The following DPP10 variants were observed in gnomAD, a reference collection of about 807,000 sequenced individuals.
DPP10 encodes the protein inactive dipeptidyl peptidase 10.
In DPP10, 33 loss-of-function variants were observed where a neutral mutation model predicts 120.9. That is an observed-to-expected ratio of 0.27 (90% CI 0.21 to 0.37). The LOEUF is 0.37. Ranked by LOEUF, DPP10 falls within the 10% of genes least tolerant of loss-of-function variation. The pLI is 1.00. For missense variants in DPP10, 816 were observed against 942.8 expected, an observed-to-expected ratio of 0.87 and a Z score of 1.76; for synonymous variants, 337 against 326.1, an observed-to-expected ratio of 1.03 and a Z score of -0.36.
chr2:115,549,118 A>G (rs769480001), intron 5 of DPP10, among the ~76,000 whole-genome samples: 1 of 152,154 alleles, frequency 6.6e-6, no homozygotes. Context: ...TATTACTGCC[A>G]GGTACATTCT....
chr2:115,507,028 G>A (rs1478705896), intron 4 of DPP10, among the ~76,000 whole-genome samples: 23 of 119,028 alleles, frequency 1.9e-4, no homozygotes, highest in East Asian at 6.6e-4. Flanking sequence ...ACACACACAC[G>A]CACGCGCACA....
intron 1 of DPP10, among the ~76,000 whole-genome samples, chr2:114,689,866 GC>G (rs1559006205): frequency 2.6e-5 from 4 of 151,670 alleles, no homozygotes; most frequent in African/African-American, 9.7e-5. Flanking sequence ...TTGGTTGGCC[GC>G]GTGTATGTCT....
intron 5 of DPP10, among the ~76,000 whole-genome samples, chr2:115,601,365 A>G (rs1182909500): frequency 6.6e-6 from 1 of 152,108 alleles, no homozygotes; most frequent in African/African-American, 2.4e-5. Flanking sequence ...CAACCCTATC[A>G]CTCTTGTAAC....
At chr2:115,330,972 G>T (rs1186714978) in intron 2 of DPP10, among the ~76,000 whole-genome samples, 6 of 152,090 alleles carry the variant, frequency 3.9e-5, no homozygotes, top group African/African-American at 1.2e-4. Flanking sequence ...GAAAGTCATT[G>T]GTAACTTGAT....
intron 1 of DPP10, among the ~76,000 whole-genome samples, chr2:115,099,645 C>T (rs1236299842): frequency 6.6e-6 from 1 of 152,108 alleles, no homozygotes; most frequent in Non-Finnish European, 1.5e-5. Flanking sequence ...ATACACAGAG[C>T]CATTACTTAG....
chr2:115,477,654 A>C (rs976110078), intron 3 of DPP10, among the ~76,000 whole-genome samples: 1 of 152,170 alleles, frequency 6.6e-6, no homozygotes, highest in Admixed American at 6.6e-5. Flanking sequence ...ACCCTTCCTA[A>C]AACTTATATG....
chr2:115,782,446 T>C, intron 17 of DPP10, 47 bp downstream of exon 17: 1 of 1,521,404 alleles, frequency 6.6e-7, no homozygotes, highest in East Asian at 2.3e-5. Flanking sequence ...TTGGCATTAG[T>C]CTTAGACATC....
At chr2:114,640,913 A>T (rs1229106070) in intron 1 of DPP10, among the ~76,000 whole-genome samples, 1 of 151,928 alleles carries the variant, frequency 6.6e-6, no homozygotes, top group Non-Finnish European at 1.5e-5. Context: ...AGGGCCAAGC[A>T]TTGAAGGAGT....
chr2:114,949,566 G>T (rs1159393749), intron 1 of DPP10, among the ~76,000 whole-genome samples: 1 of 152,146 alleles, frequency 6.6e-6, no homozygotes, highest in Non-Finnish European at 1.5e-5. Context: ...ATTCATTAGG[G>T]CCTGAGTGGT....
intron 5 of DPP10, among the ~76,000 whole-genome samples, chr2:115,638,578 A>G (rs1388834671): frequency 1.3e-5 from 2 of 152,248 alleles, no homozygotes; most frequent in African/African-American, 4.8e-5. Flanking sequence ...GGAATAAAAT[A>G]GAAATGCCTG....
At chr2:114,674,612 A>G (rs1698553250) in intron 1 of DPP10, among the ~76,000 whole-genome samples, 1 of 152,194 alleles carries the variant, frequency 6.6e-6, no homozygotes, top group Non-Finnish European at 1.5e-5. Flanking sequence ...AACGTGAGTC[A>G]CGGAGGATGG....
intron 1 of DPP10, among the ~76,000 whole-genome samples, chr2:114,863,045 A>AGTGT (rs143892772): frequency 3.3e-5 from 5 of 151,546 alleles, no homozygotes; most frequent in African/African-American, 9.7e-5. Flanking sequence ...CCAGGGAAAA[A>AGTGT]GTGTGTGTGT....
chr2:115,703,532 A>C (rs2091975430), intron 7 of DPP10, among the ~76,000 whole-genome samples: 1 of 152,014 alleles, frequency 6.6e-6, no homozygotes, highest in African/African-American at 2.4e-5. Flanking sequence ...CTTGAGTCCT[A>C]AATCTGTCGG....
chr2:115,686,428 T>C (rs956921482), intron 5 of DPP10, among the ~76,000 whole-genome samples: 3 of 152,028 alleles, frequency 2.0e-5, no homozygotes, highest in Admixed American at 6.6e-5. Flanking sequence ...TTCATGAAAA[T>C]GTTGTGACCA....
At chr2:115,622,833 T>TG (rs1325430707) in intron 5 of DPP10, among the ~76,000 whole-genome samples, 1 of 122,526 alleles carries the variant, frequency 8.2e-6, no homozygotes, top group Non-Finnish European at 1.9e-5. Context: ...TTTATTCTTT[T>TG]TTTTTTTTTT....
intron 7 of DPP10, among the ~76,000 whole-genome samples, chr2:115,705,253 C>T (rs1269517215): frequency 6.6e-6 from 1 of 151,982 alleles, no homozygotes; most frequent in Non-Finnish European, 1.5e-5. Context: ...TTTGAAATCT[C>T]ACATTTCCTA....
intron 5 of DPP10, among the ~76,000 whole-genome samples, chr2:115,673,864 C>G (rs910639675): frequency 6.6e-6 from 1 of 152,076 alleles, no homozygotes; most frequent in African/African-American, 2.4e-5. Flanking sequence ...TAAATTGTAT[C>G]TAATGATTTT....
chr2:115,063,879 GT>G (rs748494574), intron 1 of DPP10, among the ~76,000 whole-genome samples: 1 of 151,980 alleles, frequency 6.6e-6, no homozygotes, highest in Non-Finnish European at 1.5e-5. Context: ...TTGATGCTGT[GT>G]TTTTTTATGT....
chr2:114,911,080 G>A (rs954091252), intron 1 of DPP10, among the ~76,000 whole-genome samples: 12 of 152,018 alleles, frequency 7.9e-5, no homozygotes, highest in Admixed American at 2.6e-4. Flanking sequence ...ATTCCTTCAC[G>A]TGACTAATAT....
Sources: allele counts gnomAD v4.1 joint callset (sites outside exome capture counted in the v4.1 genomes callset), GRCh38; gene constraint gnomAD v4.1.1; transcripts MANE v1.5; gene names NCBI Gene and HGNC (gene_info 2026-07-23, HGNC 2026-07-21).